The following MEGF6 variants were observed in gnomAD, a reference collection of about 807,000 sequenced individuals.
MEGF6 encodes multiple EGF like domains 6, also known as multiple epidermal growth factor-like domains protein 6.
Under a neutral mutation model 207.1 loss-of-function variants are expected in MEGF6, and 184 were observed. That is an observed-to-expected ratio of 0.89 (90% CI 0.79 to 1.00). MEGF6 has a LOEUF of 1.00. MEGF6 is among the 50% of genes least tolerant of loss of function. The probability of loss-of-function intolerance (pLI) is 0.00; values close to 1 mark genes in which losing one functional copy is unlikely to be tolerated. For missense variants in MEGF6, 2,282 were observed against 2,202.9 expected (o/e 1.04, Z -0.72); for synonymous variants, 1,038 against 910.0 (o/e 1.14, Z -2.53).
chr1:3,561,234 C>G (rs572627210), intron 4 of MEGF6, among the ~76,000 whole-genome samples: 142 of 152,284 alleles, frequency 9.3e-4, no homozygotes, highest in Non-Finnish European at 1.6e-3. Flanking sequence ...GGCCCCTCCA[C>G]GCTCAGCTGA....
At chr1:3,500,944 G>T in intron 20 of MEGF6, 22 bp downstream of exon 20, 1 of 1,610,886 alleles carries the variant, frequency 6.2e-7, no homozygotes, top group South Asian at 1.1e-5. Context: ...CTGGACAAAG[G>T]GCAAGCCAAG....
chr1:3,588,724 G>A lies in MEGF6; in HGVS notation c.376+6614C>T, dbSNP rs183444230. ...CCCCAGCCTTCACAGAGGCAGGGCCGGGCCCAAGCTCTCTAGACTCAGTTC... is the reference window on the plus strand; with the variant it reads ...CCCCAGCCTTCACAGAGGCAGGGCCAGGCCCAAGCTCTCTAGACTCAGTTC... On this transcript the variant is annotated intron_variant, in intron 3 of 36. Transcript: ENST00000356575. Among the ~76,000 whole-genome samples the A allele has an allele frequency of 9.8e-4, 149 of 152,126 alleles. 1 individual carries two copies. The highest frequency in any genetic ancestry group is 3.0e-3 in the African/African-American group (124 of 41,476).
Position 3,488,984 on chromosome 1 carries a change from C to T in MEGF6, c.*1544G>A, listed in dbSNP as rs367727671. Among the ~76,000 whole-genome samples the T allele has an allele frequency of 8.5e-5, 13 of 152,280 alleles. No individual in the cohort carries two copies. The highest frequency in any genetic ancestry group is 5.8e-4 in the East Asian group (3 of 5,194). Reference sequence around the variant, plus strand: ...CCATTTCCATTCATCTATCTCTGTACGTTGTCTCTCTTTACGCCTCCCTGC... The same window carrying T: ...CCATTTCCATTCATCTATCTCTGTATGTTGTCTCTCTTTACGCCTCCCTGC... On this transcript the variant is annotated 3_prime_UTR_variant, in exon 37 of 37. Coordinates refer to ENST00000356575, the MANE Select transcript of MEGF6 (RefSeq NM_001409.4).
At position 3,515,495 on chromosome 1, in the gene MEGF6, A is replaced by G. The variant is rs761476864; in HGVS notation, c.637T>C (p.Cys213Arg). The G allele has an allele frequency of 2.0e-4, 326 of 1,612,540 alleles. 1 individual carries two copies. Among genetic ancestry groups the G allele is most frequent in the Middle Eastern group, 1.3e-3 (8 of 6,068 alleles). ...INSCALGNGGCQHHCVQLTIT... is the reference protein window; with the variant it reads ...INSCALGNGGRQHHCVQLTIT... ...GTGAGCTGGACACAGTGGTGCTGGC[A>G]GCCGCCATTGCCCAGGGCGCAGGAG... The change falls in exon 6 of 37, where the codon TGC (cysteine) becomes CGC (arginine). Residue 213 changes from cysteine to arginine, a missense_variant. Cys to Arg is a radical substitution (Grantham distance 180). Coordinates refer to ENST00000356575, the MANE Select transcript of MEGF6 (RefSeq NM_001409.4).
In MEGF6 at chr1:3,572,251, AGGTGTGCTGGGTCCTCCTG is replaced by A. The variant is rs1357282954; in HGVS notation, c.481+7555_481+7573del. ...CTTCCCGAGTGTGCTGGGTTCTCTC[AGGTGTGCTGGGTCCTCCTG>A]GGTGTGCTGGGTCCTCCTGGGTGTG... is the stretch of plus-strand genomic sequence containing the variant. On this transcript the variant is annotated intron_variant, in intron 4 of 36. Coordinates refer to ENST00000356575, the MANE Select transcript of MEGF6 (RefSeq NM_001409.4). Among the ~76,000 whole-genome samples, 237 of 74,806 alleles carry A rather than the reference AGGTGTGCTGGGTCCTCCTG, an allele frequency of 3.2e-3. 2 individuals carry two copies. In the East Asian group the frequency reaches 0.039, roughly 12 times the overall value. 49.1% of individuals were successfully genotyped at this position (74,806 alleles called of 152,430 possible). A position where few individuals can be genotyped will look rare whatever the true frequency, so the allele number is the denominator to read the frequency against.
chr1:3,496,094 A>T (rs966947623), intron 29 of MEGF6, 76 bp from the exon 30 acceptor site: 3 of 1,441,500 alleles, frequency 2.1e-6, no homozygotes, highest in Non-Finnish European at 2.7e-6. Flanking sequence ...TGGGGATAGG[A>T]CAGGATGGGA....
rs748597344 is a variant in MEGF6, at chr1:3,501,191, C to G, written c.2432G>C (p.Ser811Thr). 3 of 1,612,408 alleles carry G rather than the reference C, an allele frequency of 1.9e-6. No homozygotes were observed. The Admixed American group carries it at 5.0e-5, about 27-fold the overall frequency. Residue 811 changes from serine to threonine, a missense_variant, in exon 19 of 37, where the codon AGC (serine) becomes ACC (threonine). By Grantham distance (58) the Ser-to-Thr change is moderately conservative. Coordinates refer to ENST00000356575, the MANE Select transcript of MEGF6 (RefSeq NM_001409.4). ...ACLCLPGFVG[S>T]RCQDVCPAGW... is the part of the protein sequence containing the mutation. ...AGCTCACTCACCGTCCTGGCAGCGG[C>G]TGCCGACGAAGCCAGGGAGGCACAG...
intron 35 of MEGF6, among the ~76,000 whole-genome samples, chr1:3,491,219 A>C (rs564710364): frequency 3.9e-5 from 6 of 152,050 alleles, no homozygotes; most frequent in South Asian, 2.1e-4. Flanking sequence ...ACCGAACGCC[A>C]AGCCAAGTCC....
rs1446442712 is a variant in MEGF6 at position 3,488,927 on chromosome 1, G to A, written c.*1601C>T. ...TGACTTCTTACTTTTGTATTTTGCAGTTAGATGGATGTGAATGAACACCTC... is the reference window on the plus strand; with the variant it reads ...TGACTTCTTACTTTTGTATTTTGCAATTAGATGGATGTGAATGAACACCTC... On this transcript the variant is annotated 3_prime_UTR_variant, in exon 37 of 37. Coordinates refer to ENST00000356575, the MANE Select transcript of MEGF6 (RefSeq NM_001409.4). Among the ~76,000 whole-genome samples the A allele has an allele frequency of 6.6e-6, 1 of 152,168 alleles. No homozygotes were observed. Among genetic ancestry groups the A allele is most frequent in the Non-Finnish European group, 1.5e-5 (1 of 68,036 alleles).
At chr1:3,568,505 C>T (rs1643412660) in intron 4 of MEGF6, among the ~76,000 whole-genome samples, 1 of 152,016 alleles carries the variant, frequency 6.6e-6, no homozygotes, top group African/African-American at 2.4e-5. Context: ...TCCCAGCACG[C>T]ACCCACTTTC....
At chr1:3,492,893 C>T (rs1640432238) in intron 34 of MEGF6, 126 bp from the exon 35 acceptor site, 10 of 1,370,404 alleles carry the variant, frequency 7.3e-6, no homozygotes, top group South Asian at 6.9e-5. Context: ...TGGGTGTGTG[C>T]GGGAGCTAAG....
In MEGF6 at chr1:3,490,291, G is replaced by A; in HGVS notation, c.*237C>T. On this transcript the variant is annotated 3_prime_UTR_variant, in exon 37 of 37. Transcript: ENST00000356575. ...GGCCCAGAGCGTGCCCCTGGGTTCTGCAGAGCCAGGCCAGGAGGCGCCTCT... is the reference window on the plus strand; with the variant it reads ...GGCCCAGAGCGTGCCCCTGGGTTCTACAGAGCCAGGCCAGGAGGCGCCTCT... The A allele has an allele frequency of 1.8e-6, 1 of 561,310 alleles. No individual in the cohort carries two copies. The highest frequency in any genetic ancestry group is 2.3e-5 in the South Asian group (1 of 43,236). 34.8% of individuals were successfully genotyped at this position (561,310 alleles called of 1,614,324 possible).
chr1:3,548,474 A>G (rs1241319400), intron 4 of MEGF6, among the ~76,000 whole-genome samples: 1 of 152,244 alleles, frequency 6.6e-6, no homozygotes, highest in Non-Finnish European at 1.5e-5. Flanking sequence ...GGGAATTCCT[A>G]GAGAGTTACA....
chr1:3,494,937 G>A (rs1203162732), intron 30 of MEGF6, among the ~76,000 whole-genome samples, 196 bp from the exon 31 acceptor site: 1 of 152,242 alleles, frequency 6.6e-6, no homozygotes, highest in Non-Finnish European at 1.5e-5. Context: ...ATCTCAGGCT[G>A]CCAAGTGCCA....
In MEGF6 at chr1:3,545,560, C is replaced by T. The variant is rs947672882; in HGVS notation, c.482-21314G>A. 3.3e-5 allele frequency among the ~76,000 whole-genome samples: 5 copies of T among 149,272 alleles called. No homozygotes were observed. In the East Asian group the frequency reaches 9.7e-4, roughly 29 times the overall value. ...GAGAAGGCATAGCAGCTGGGCCCCT[C>T]CTCATCACGGGTCTGGGAGGGGGTT... is the stretch of plus-strand genomic sequence containing the variant. On this transcript the variant is annotated intron_variant, in intron 4 of 36. Coordinates refer to ENST00000356575, the MANE Select transcript of MEGF6 (RefSeq NM_001409.4).
At position 3,501,907 on chromosome 1, in the gene MEGF6, T is replaced by C. The variant is rs370549565; in HGVS notation, c.2203A>G (p.Thr735Ala). 2.1e-5 allele frequency: 33 copies of C among 1,596,084 alleles called. No homozygotes were observed. Among genetic ancestry groups the C allele is most frequent in the Non-Finnish European group, 2.7e-5 (32 of 1,172,570 alleles). ...EDCGQECPVG[T>A]FGVNCSSSCS... is the part of the protein sequence containing the mutation. ...GAGCTCGAGCAGTTCACGCCAAACG[T>C]CCCCACCGGGCACTCTGCAGGAGAA... The change falls in exon 18 of 37, where the codon ACG becomes GCG. Residue 735 changes from threonine (T) to alanine (A), a missense_variant. Transcript: ENST00000356575.
intron 9 of MEGF6, 118 bp downstream of exon 9, chr1:3,511,432 C>T: frequency 2.3e-6 from 3 of 1,293,394 alleles, no homozygotes; most frequent in South Asian, 1.6e-5. Flanking sequence ...GCAGCCAGAC[C>T]AGGACTCAGG....
At chr1:3,531,619 G>T (rs1361225086) in intron 4 of MEGF6, among the ~76,000 whole-genome samples, 5 of 152,112 alleles carry the variant, frequency 3.3e-5, no homozygotes, top group African/African-American at 1.2e-4. Flanking sequence ...AGGGACCTAG[G>T]CACAAACGCA....
At chr1:3,538,219 C>T (rs942016162) in intron 4 of MEGF6, among the ~76,000 whole-genome samples, 1 of 152,188 alleles carries the variant, frequency 6.6e-6, no homozygotes, top group Non-Finnish European at 1.5e-5. Context: ...GGGTCTCACA[C>T]AGTCCAAGCT....
Sources: allele counts gnomAD v4.1 joint callset (sites outside exome capture counted in the v4.1 genomes callset), GRCh38; gene constraint gnomAD v4.1.1; transcripts MANE v1.5; gene names NCBI Gene and HGNC (gene_info 2026-07-23, HGNC 2026-07-21).